The following CTBP2 variants were observed in gnomAD, a reference collection of about 807,000 sequenced individuals.
CTBP2 encodes C-terminal-binding protein 2.
A neutral mutation model predicts 80.3 loss-of-function variants in CTBP2; 30 were observed. The observed-to-expected ratio is 0.37, with a 90% CI of 0.28 to 0.51. The LOEUF is 0.51. CTBP2 is among the 20% of genes least tolerant of loss of function. CTBP2 has a pLI of 0.93. For missense variants in CTBP2, 1,212 were observed against 1,375.3 expected (o/e 0.88, Z 1.88); for synonymous variants, 594 against 587.4 (o/e 1.01, Z -0.16).
chr10:125,100,146 T>G (rs1850390218), intron 2 of CTBP2, among the ~76,000 whole-genome samples: 1 of 152,224 alleles, frequency 6.6e-6, no homozygotes, highest in African/African-American at 2.4e-5. Flanking sequence ...ATAAAGAATT[T>G]ACTTCCATTT....
intron 2 of CTBP2, among the ~76,000 whole-genome samples, chr10:125,082,589 CTT>C (rs71486514): frequency 1.8e-4 from 24 of 131,012 alleles, no homozygotes; most frequent in Non-Finnish European, 1.9e-4. Flanking sequence ...CAGCTTTCCT[CTT>C]TTTTTTTTTT....
intron 3 of CTBP2, chr10:125,001,618 G>A (rs1173844403): frequency 1.3e-5 from 2 of 152,270 alleles, no homozygotes; most frequent in Non-Finnish European, 2.9e-5. Context: ...GGACCCTAAG[G>A]GGTGTGGAAT....
intron 1 of CTBP2, among the ~76,000 whole-genome samples, chr10:125,116,024 T>C (rs1198070049): frequency 6.6e-6 from 1 of 152,104 alleles, no homozygotes; most frequent in Non-Finnish European, 1.5e-5. Flanking sequence ...TCCTGGATCC[T>C]TTCAACAGGG....
chr10:125,094,286 CAAAT>C (rs1209666044), intron 2 of CTBP2, among the ~76,000 whole-genome samples: 3 of 152,128 alleles, frequency 2.0e-5, no homozygotes, highest in Non-Finnish European at 4.4e-5. Context: ...GACAAGGTGA[CAAAT>C]AAATCTGTCT....
At position 124,984,758 on chromosome 10, in the gene CTBP2, CA is replaced by C; in HGVS notation, c.*4759del. On this transcript the variant is annotated 3_prime_UTR_variant, in exon 9 of 9. Transcript: ENST00000309035. ...TGTTGTATGATTTTCCCTTTGTCTT[CA>C]TATTCCTCCAAAAGCTAGGTAATGA... The C allele has an allele frequency of 6.2e-7, 1 of 1,610,302 alleles. No homozygotes were observed. The highest frequency in any genetic ancestry group is 1.7e-4 in the Middle Eastern group (1 of 5,972).
chr10:125,101,958 T>C (rs1025300069), intron 2 of CTBP2, among the ~76,000 whole-genome samples: 2 of 152,164 alleles, frequency 1.3e-5, no homozygotes, highest in South Asian at 2.1e-4. Flanking sequence ...ACAATGCACA[T>C]TGTACCCACC....
chr10:125,092,176 CTTTTTTTTTTTTTTT>C (rs71029238), intron 2 of CTBP2, among the ~76,000 whole-genome samples: 3 of 87,098 alleles, frequency 3.4e-5, no homozygotes, highest in Non-Finnish European at 6.5e-5. Context: ...TCTGAAGATT[CTTTTTTTTTTTTTTT>C]TTTTTTTTGA....
At chr10:125,137,479 G>T (rs533606560) in intron 1 of CTBP2, among the ~76,000 whole-genome samples, 2 of 152,158 alleles carry the variant, frequency 1.3e-5, no homozygotes, top group African/African-American at 4.8e-5. Context: ...TCAAGGCACC[G>T]ACTTTATCTT....
chr10:125,039,889 C>T (rs957399782), intron 2 of CTBP2, among the ~76,000 whole-genome samples: 3 of 152,282 alleles, frequency 2.0e-5, no homozygotes, highest in East Asian at 1.9e-4. Context: ...ATCCCCATGA[C>T]GTTTCAGGTA....
At position 124,987,855 on chromosome 10, in the gene CTBP2, TAGTA is replaced by T; in HGVS notation, c.*1659_*1662del. 6.6e-6 allele frequency: 1 copy of T among 152,334 alleles called. No individual in the cohort carries two copies. The highest frequency in any genetic ancestry group is 2.1e-4 in the South Asian group (1 of 4,826). The allele number at this position is 152,334 out of a possible 1,614,324, so 9.4% of individuals were successfully genotyped here. The stretch of plus-strand genomic sequence containing the variant: ...CTTAATTGACACTTGCAAATACTTT[TAGTA>T]TAAAGGTTTAATTCTATTTAAAAAG... On this transcript the variant is annotated 3_prime_UTR_variant, in exon 9 of 9. Transcript: ENST00000309035.
chr10:125,056,694 A>G (rs1964007483), intron 2 of CTBP2, among the ~76,000 whole-genome samples: 2 of 152,252 alleles, frequency 1.3e-5, no homozygotes, highest in African/African-American at 4.8e-5. Flanking sequence ...CCACAGAGTC[A>G]GGTCAGATGA....
At chr10:125,093,601 A>G (rs367871441) in intron 2 of CTBP2, among the ~76,000 whole-genome samples, 16 of 151,900 alleles carry the variant, frequency 1.1e-4, no homozygotes, top group African/African-American at 3.4e-4. Flanking sequence ...AGGCTGCCCC[A>G]CCCCCTCCCT....
intron 1 of CTBP2, among the ~76,000 whole-genome samples, chr10:125,143,284 T>A (rs1408303004): frequency 6.6e-6 from 1 of 152,104 alleles, no homozygotes. Flanking sequence ...GGTCAGGAGT[T>A]CAAGACCAGC....
chr10:125,151,737 G>T (rs1227477042), intron 1 of CTBP2, among the ~76,000 whole-genome samples: 1 of 152,176 alleles, frequency 6.6e-6, no homozygotes, highest in Non-Finnish European at 1.5e-5. Context: ...CGGGCTGGGG[G>T]CCAACCTGGT....
chr10:125,077,764 G>A (rs1196600509), intron 2 of CTBP2, among the ~76,000 whole-genome samples: 2 of 152,120 alleles, frequency 1.3e-5, no homozygotes, highest in Non-Finnish European at 2.9e-5. Context: ...TGATGCCCAC[G>A]GGACCCCTGG....
intron 1 of CTBP2, among the ~76,000 whole-genome samples, chr10:125,148,424 T>G (rs949701030): frequency 2.6e-5 from 4 of 152,168 alleles, no homozygotes; most frequent in Non-Finnish European, 5.9e-5. Context: ...ACCCAGGCTC[T>G]CCCTCCCACC....
intron 1 of CTBP2, among the ~76,000 whole-genome samples, chr10:125,147,873 C>T (rs984785041): frequency 1.8e-4 from 28 of 151,860 alleles, no homozygotes; most frequent in Admixed American, 1.3e-4. Flanking sequence ...CTCCAAGCCT[C>T]GGCGACACGG....
intron 5 of CTBP2, among the ~76,000 whole-genome samples, 191 bp downstream of exon 7, chr10:124,994,278 T>C (rs182740829): frequency 3.4e-4 from 52 of 152,316 alleles, no homozygotes; most frequent in African/African-American, 1.2e-3. Flanking sequence ...CGCCTGTCCT[T>C]CTCTGCTTAG....
chr10:125,128,273 T>C (rs180970215), intron 1 of CTBP2, among the ~76,000 whole-genome samples: 6 of 152,256 alleles, frequency 3.9e-5, no homozygotes. Context: ...TGCAAAACAG[T>C]GGGCACAGAT....
Sources: gnomAD v4.1 joint callset for allele counts (sites outside exome capture counted in the v4.1 genomes callset) on GRCh38, gnomAD v4.1.1 for gene constraint, MANE v1.5 for transcripts, NCBI Gene and HGNC (gene_info 2026-07-23, HGNC 2026-07-21) for gene names.